SWT1: variants seen among roughly 807,000 people sequenced by gnomAD.
SWT1 encodes the protein SWT1 RNA endoribonuclease homolog.
A neutral mutation model predicts 107.3 loss-of-function variants in SWT1; 33 were observed. The ratio of observed to expected loss-of-function variants is 0.31; its 90% CI spans 0.23 to 0.41. The LOEUF (loss-of-function observed/expected upper bound fraction) is 0.41. Among genes scored for constraint, SWT1 ranks in the 10% least tolerant of loss-of-function variants. The probability of loss-of-function intolerance (pLI) is 1.00; values close to 1 mark genes in which losing one functional copy is unlikely to be tolerated. For missense variants in SWT1, 898 were observed against 1,028.9 expected (o/e 0.87, Z 1.74); for synonymous variants, 345 against 348.3 (o/e 0.99, Z 0.11).
At chr1:185,202,121 CCTTGTCGTTCTCTATAACCT>C (rs1201852156) in intron 10 of SWT1, among the ~76,000 whole-genome samples, 10 of 151,958 alleles carry the variant, frequency 6.6e-5, no homozygotes, top group Non-Finnish European at 1.2e-4. Context: ...TTTTTAATGC[CCTTGTCGTTCTCTATAACCT>C]CATAAACTGG....
In SWT1 at chr1:185,221,830, G is replaced by A. The variant is rs535111176; in HGVS notation, c.2122-19G>A. 20 of 1,514,788 alleles carry A rather than the reference G, an allele frequency of 1.3e-5. No homozygotes were observed. The South Asian group carries it at 1.5e-4, about 11-fold the overall frequency. 93.8% of individuals were successfully genotyped at this position (1,514,788 alleles called of 1,614,324 possible). ...AAATGAAGAACTAGCTGCATTTTAT[G>A]TAATTCTTATTTCCCCAGGTCAAGA... On this transcript the variant is annotated intron_variant, in intron 14 of 18. Transcript: ENST00000367500.
chr1:185,212,365 T>G (rs754473372), intron 13 of SWT1, among the ~76,000 whole-genome samples: 1 of 152,056 alleles, frequency 6.6e-6, no homozygotes, highest in Non-Finnish European at 1.5e-5. Flanking sequence ...CTTCCATCTG[T>G]TTTTCCTGGC....
intron 10 of SWT1, among the ~76,000 whole-genome samples, chr1:185,201,690 C>T (rs1657897807): frequency 6.6e-6 from 1 of 152,134 alleles, no homozygotes; most frequent in Non-Finnish European, 1.5e-5. Flanking sequence ...GGAGCTGTTC[C>T]TATTCTGCCA....
chr1:185,239,613 C>G (rs917384864), intron 16 of SWT1, among the ~76,000 whole-genome samples: 3 of 152,078 alleles, frequency 2.0e-5, no homozygotes, highest in African/African-American at 7.2e-5. Flanking sequence ...CTCTCCTCAT[C>G]TTTTCTTTTA....
chr1:185,280,931 G>C, intron 18 of SWT1: 1 of 485,092 alleles, frequency 2.1e-6, no homozygotes, highest in Non-Finnish European at 4.2e-6. Flanking sequence ...TGGTGAGGTT[G>C]GAAACCAGAA....
chr1:185,199,056 G>A lies in SWT1; in HGVS notation c.1524-3598G>A, dbSNP rs554104917. 2.0e-5 allele frequency among the ~76,000 whole-genome samples: 3 copies of A among 151,394 alleles called. No individual in the cohort carries two copies. In the South Asian group the frequency reaches 6.3e-4, roughly 32 times the overall value. ...GGGTTCATGCGATTCTCCTGCCTCA[G>A]CCTCCTGAGTAGCTGGGATTACAGG... On this transcript the variant is annotated intron_variant, in intron 10 of 18. Transcript: ENST00000367500.
chr1:185,186,034 A>G (rs1055803656), intron 9 of SWT1, among the ~76,000 whole-genome samples: 1 of 152,158 alleles, frequency 6.6e-6, no homozygotes, highest in African/African-American at 2.4e-5. Context: ...ACCTGGGTTT[A>G]TAGCATAACC....
At chr1:185,223,802 C>T (rs138481811) in intron 15 of SWT1, among the ~76,000 whole-genome samples, 111 of 152,270 alleles carry the variant, frequency 7.3e-4, no homozygotes, top group African/African-American at 2.6e-3. Flanking sequence ...CTCCTCTCAC[C>T]TTCCACCCTC....
At chr1:185,257,429 C>G (rs1032552709) in intron 16 of SWT1, among the ~76,000 whole-genome samples, 4 of 151,614 alleles carry the variant, frequency 2.6e-5, no homozygotes, top group South Asian at 2.1e-4. Flanking sequence ...TAGCAATCAG[C>G]GAGACTCCGT....
At chr1:185,217,176 T>C in intron 14 of SWT1, among the ~76,000 whole-genome samples, 1 of 152,180 alleles carries the variant, frequency 6.6e-6, no homozygotes, top group East Asian at 1.9e-4. Flanking sequence ...GTGTTGCACC[T>C]TTATTTTTGT....
At chr1:185,225,746 C>G (rs1009169174) in intron 15 of SWT1, among the ~76,000 whole-genome samples, 1 of 152,142 alleles carries the variant, frequency 6.6e-6, no homozygotes, top group Non-Finnish European at 1.5e-5. Flanking sequence ...GTTTGCATAA[C>G]AATGCAATTG....
intron 16 of SWT1, among the ~76,000 whole-genome samples, chr1:185,234,611 T>C (rs1031742260): frequency 6.6e-6 from 1 of 152,206 alleles, no homozygotes; most frequent in Non-Finnish European, 1.5e-5. Flanking sequence ...CCCATTTACA[T>C]TTAAGGTTAA....
At chr1:185,275,445 ATAAT>A (rs945126811) in intron 17 of SWT1, among the ~76,000 whole-genome samples, 1 of 148,642 alleles carries the variant, frequency 6.7e-6, no homozygotes, top group Non-Finnish European at 1.5e-5. Flanking sequence ...CAAATATTAT[ATAAT>A]TAAATAATAC....
Position 185,204,778 on chromosome 1 carries a change from C to G in SWT1, c.1748C>G (p.Ser583Cys), listed in dbSNP as rs1558038126. Reference protein sequence around the residue: ...GLSILLESIVSDLEKSLGTGL... With the variant: ...GLSILLESIVCDLEKSLGTGL... ...TCCATTCTGCTTGAGAGCATTGTAT[C>G]TGATCTTGAAAAATCTCTTGGAACA... The change falls in exon 12 of 19, where the codon TCT (serine) becomes TGT (cysteine). Residue 583 changes from serine (S) to cysteine (C), a missense_variant. Coordinates refer to ENST00000367500, the MANE Select transcript of SWT1 (RefSeq NM_017673.7). 1 of 1,596,018 alleles carries G rather than the reference C, an allele frequency of 6.3e-7. No individual in the cohort carries two copies. Among genetic ancestry groups the G allele is most frequent in the South Asian group, 1.1e-5 (1 of 88,446 alleles).
At chr1:185,191,442 T>C (rs1231866102) in intron 10 of SWT1, among the ~76,000 whole-genome samples, 1 of 152,202 alleles carries the variant, frequency 6.6e-6, no homozygotes, top group Non-Finnish European at 1.5e-5. Context: ...ATCTGTATTT[T>C]ATTCACTGCA....
At chr1:185,270,953 TTGTC>T (rs946970968) in intron 16 of SWT1, among the ~76,000 whole-genome samples, 3 of 152,212 alleles carry the variant, frequency 2.0e-5, no homozygotes, top group South Asian at 2.1e-4. Flanking sequence ...TACTCAAGCT[TTGTC>T]TGGAGCTTAA....
intron 16 of SWT1, among the ~76,000 whole-genome samples, chr1:185,237,594 T>C (rs1354877625): frequency 1.3e-5 from 2 of 152,076 alleles, no homozygotes; most frequent in Non-Finnish European, 2.9e-5. Context: ...AAATACCTAA[T>C]GTAGATGATG....
chr1:185,171,609 A>G (rs79362358), intron 4 of SWT1: 5,627 of 509,372 alleles, frequency 0.011, 247 homozygotes, highest in African/African-American at 0.099. Context: ...GGCAGCATCC[A>G]TGATCCGTCT....
intron 16 of SWT1, among the ~76,000 whole-genome samples, chr1:185,244,716 T>C (rs1255686693): frequency 6.6e-6 from 1 of 152,196 alleles, no homozygotes; most frequent in Non-Finnish European, 1.5e-5. Flanking sequence ...TAGGTTGTTA[T>C]AACTTTTTAA....
Sources: gnomAD v4.1 joint callset for allele counts (sites outside exome capture counted in the v4.1 genomes callset) on GRCh38, gnomAD v4.1.1 for gene constraint, MANE v1.5 for transcripts, NCBI Gene and HGNC (gene_info 2026-07-23, HGNC 2026-07-21) for gene names.